The following FMN1 variants were observed in gnomAD, a reference collection of about 807,000 sequenced individuals.
FMN1 encodes formin-1.
Under a neutral mutation model 132.4 loss-of-function variants are expected in FMN1, and 110 were observed. The observed-to-expected ratio is 0.83, with a 90% CI of 0.71 to 0.97. The LOEUF is 0.97. FMN1 is among the 50% of genes least tolerant of loss of function. The pLI is 0.00. For synonymous variants in FMN1, 722 were observed against 651.7 expected (o/e 1.11, Z -1.64); for missense variants, 1,792 against 1,705.3 (o/e 1.05, Z -0.90).
chr15:32,983,849 G>A lies in FMN1; in HGVS notation c.2224-14372C>T, dbSNP rs1053057887. Among the ~76,000 whole-genome samples the A allele has an allele frequency of 2.6e-5, 4 of 152,144 alleles. No individual in the cohort carries two copies. The South Asian group carries it at 6.2e-4, about 24-fold the overall frequency. On this transcript the variant is annotated intron_variant, in intron 7 of 20. Coordinates refer to ENST00000616417, the MANE Select transcript of FMN1 (RefSeq NM_001277313.2). Reference sequence around the variant, plus strand: ...CCCATCTTTTAGAGGTTTCTCTGTCGAGGTGAATTCAGCGCTAAGACAGGA... The same window carrying A: ...CCCATCTTTTAGAGGTTTCTCTGTCAAGGTGAATTCAGCGCTAAGACAGGA...
At chr15:32,896,158 T>A (rs1259116406) in intron 15 of FMN1, among the ~76,000 whole-genome samples, 1 of 152,088 alleles carries the variant, frequency 6.6e-6, no homozygotes, top group Non-Finnish European at 1.5e-5. Context: ...CACATATTTA[T>A]TTAGATCCAT....
intron 5 of FMN1, among the ~76,000 whole-genome samples, chr15:33,078,120 C>T (rs1043927761): frequency 6.6e-6 from 1 of 152,222 alleles, no homozygotes; most frequent in Non-Finnish European, 1.5e-5. Context: ...TTACTAGTCA[C>T]ACACTAGCTT....
At position 32,877,219 on chromosome 15, in the gene FMN1, G is replaced by A. The variant is rs142333736; in HGVS notation, c.3835+10953C>T. 7.6e-3 allele frequency among the ~76,000 whole-genome samples: 1,148 copies of A among 151,584 alleles called. 11 individuals are homozygous for A. The highest frequency in any genetic ancestry group is 0.027 in the African/African-American group (1,092 of 41,204). On this transcript the variant is annotated intron_variant, in intron 16 of 20. Coordinates refer to ENST00000616417, the MANE Select transcript of FMN1 (RefSeq NM_001277313.2). ...GGAGAATCGTTTGAACCCGGGAGGCGGAAGTTGCAGTGAGCCGAGATTGTG... is the reference window on the plus strand; with the variant it reads ...GGAGAATCGTTTGAACCCGGGAGGCAGAAGTTGCAGTGAGCCGAGATTGTG...
chr15:33,141,758 G>A (rs1178550112), intron 4 of FMN1, among the ~76,000 whole-genome samples: 3 of 152,120 alleles, frequency 2.0e-5, no homozygotes, highest in African/African-American at 7.2e-5. Context: ...CCTTGCAGCT[G>A]AGTACCTCCC....
chr15:33,039,608 T>C (rs960047911), intron 6 of FMN1, among the ~76,000 whole-genome samples: 6 of 152,170 alleles, frequency 3.9e-5, no homozygotes, highest in Admixed American at 3.9e-4. Flanking sequence ...AAGCCCTACA[T>C]CTGCCCCAGG....
chr15:32,898,661 C>T (rs2060217755), intron 15 of FMN1, among the ~76,000 whole-genome samples, 173 bp downstream of exon 15: 1 of 152,206 alleles, frequency 6.6e-6, no homozygotes, highest in Non-Finnish European at 1.5e-5. Context: ...TGCTTCTCTT[C>T]ATAAGTCAAC....
At chr15:32,935,393 T>C (rs1468940764) in intron 9 of FMN1, among the ~76,000 whole-genome samples, 2 of 152,210 alleles carry the variant, frequency 1.3e-5, no homozygotes, top group Admixed American at 1.3e-4. Flanking sequence ...CAAAATTCTC[T>C]TTTTTGTCTT....
intron 3 of FMN1, among the ~76,000 whole-genome samples, chr15:33,169,581 G>A (rs1965234920): frequency 1.3e-5 from 2 of 152,026 alleles, no homozygotes; most frequent in Admixed American, 1.3e-4. Flanking sequence ...TCTGAACACA[G>A]TTCTAACATC....
At chr15:33,010,757 A>G (rs2034669972) in intron 6 of FMN1, among the ~76,000 whole-genome samples, 2 of 152,164 alleles carry the variant, frequency 1.3e-5, no homozygotes, top group South Asian at 2.1e-4. Context: ...AAAATATACA[A>G]AAATCCTCAT....
intron 6 of FMN1, among the ~76,000 whole-genome samples, chr15:33,056,717 A>G (rs2037233348): frequency 6.6e-6 from 1 of 152,256 alleles, no homozygotes. Flanking sequence ...CACCAGCATT[A>G]GAACTGGATA....
chr15:33,189,753 C>A (rs944070860), intron 2 of FMN1, among the ~76,000 whole-genome samples: 1 of 152,184 alleles, frequency 6.6e-6, no homozygotes, highest in African/African-American at 2.4e-5. Context: ...ACAGAGGAAC[C>A]AGCAGATTAC....
chr15:32,923,187 A>C (rs1010223859), intron 10 of FMN1, among the ~76,000 whole-genome samples: 1 of 152,170 alleles, frequency 6.6e-6, no homozygotes, highest in Non-Finnish European at 1.5e-5. Flanking sequence ...CGGCTGTGAG[A>C]TCTTGCCAGG....
chr15:33,080,241 C>T (rs1566897423), intron 5 of FMN1, among the ~76,000 whole-genome samples: 1 of 152,184 alleles, frequency 6.6e-6, no homozygotes, highest in East Asian at 1.9e-4. Flanking sequence ...AAAGACACAA[C>T]AGAGAGCAAT....
At chr15:32,974,264 T>C (rs1300163605) in intron 7 of FMN1, among the ~76,000 whole-genome samples, 1 of 152,236 alleles carries the variant, frequency 6.6e-6, no homozygotes, top group Non-Finnish European at 1.5e-5. Flanking sequence ...TTGACCCCAA[T>C]ACATCATTTG....
At chr15:32,827,500 A>G (rs1321874846) in intron 17 of FMN1, among the ~76,000 whole-genome samples, 1 of 152,178 alleles carries the variant, frequency 6.6e-6, no homozygotes, top group Admixed American at 6.5e-5. Context: ...TTCTAACAAA[A>G]GAGTTATAAT....
At chr15:32,928,171 A>G (rs1345923881) in intron 9 of FMN1, among the ~76,000 whole-genome samples, 1 of 152,220 alleles carries the variant, frequency 6.6e-6, no homozygotes, top group Non-Finnish European at 1.5e-5. Flanking sequence ...CTAAGTATTA[A>G]TCAAGATGTA....
chr15:32,812,740 G>A (rs2057925412), intron 17 of FMN1, among the ~76,000 whole-genome samples: 1 of 152,198 alleles, frequency 6.6e-6, no homozygotes, highest in Admixed American at 6.5e-5. Flanking sequence ...TCTAAATCTA[G>A]TACGATGATA....
intron 12 of FMN1, among the ~76,000 whole-genome samples, chr15:32,904,959 G>A (rs970099874): frequency 1.3e-4 from 20 of 152,172 alleles, no homozygotes; most frequent in African/African-American, 4.3e-4. Flanking sequence ...CTTGGACACT[G>A]GGCCTTGGTA....
intron 4 of FMN1, among the ~76,000 whole-genome samples, chr15:33,122,613 A>T (rs1242922531): frequency 1.3e-5 from 2 of 152,218 alleles, no homozygotes; most frequent in Non-Finnish European, 2.9e-5. Context: ...GCAGTAATAA[A>T]ATCTAATGGC....
Sources: gnomAD v4.1 joint callset for allele counts (sites outside exome capture counted in the v4.1 genomes callset) on GRCh38, gnomAD v4.1.1 for gene constraint, MANE v1.5 for transcripts, NCBI Gene and HGNC (gene_info 2026-07-23, HGNC 2026-07-21) for gene names.